Variants in GALNTL6 observed in about 807,000 individuals in gnomAD.
GALNTL6 encodes the protein polypeptide N-acetylgalactosaminyltransferase like 6.
GALNTL6 carries 46 observed loss-of-function variants against 73.7 expected under a neutral mutation model. The observed-to-expected ratio is 0.62, with a 90% CI of 0.49 to 0.80. The LOEUF is 0.80. GALNTL6 is among the 30% of genes least tolerant of loss of function. The probability of loss-of-function intolerance (pLI) is 0.00; values close to 1 mark genes in which losing one functional copy is unlikely to be tolerated. For synonymous variants in GALNTL6, 259 were observed against 263.7 expected (o/e 0.98, Z 0.17); for missense variants, 604 against 755.0 (o/e 0.80, Z 2.34).
intron 8 of GALNTL6, among the ~76,000 whole-genome samples, chr4:172,902,061 G>A (rs1746657011): frequency 6.6e-6 from 1 of 152,136 alleles, no homozygotes; most frequent in African/African-American, 2.4e-5. Context: ...AGCATCTAAT[G>A]TATGCCAGGC....
At chr4:172,012,545 T>A (rs946420094) in intron 2 of GALNTL6, among the ~76,000 whole-genome samples, 4 of 152,066 alleles carry the variant, frequency 2.6e-5, no homozygotes, top group African/African-American at 9.7e-5. Flanking sequence ...ACTCTCAATA[T>A]CATCAGTGAA....
At chr4:171,944,896 C>T (rs1161476749) in intron 2 of GALNTL6, among the ~76,000 whole-genome samples, 3 of 151,672 alleles carry the variant, frequency 2.0e-5, no homozygotes, top group Non-Finnish European at 4.4e-5. Context: ...CCTTAGCTAC[C>T]TATGCTTTTA....
chr4:172,771,619 T>C (rs1318630713), intron 5 of GALNTL6, among the ~76,000 whole-genome samples: 1 of 152,222 alleles, frequency 6.6e-6, no homozygotes, highest in Non-Finnish European at 1.5e-5. Flanking sequence ...CATCGTTTTC[T>C]CTGGGAAGTC....
chr4:171,941,077 T>C (rs1008450514), intron 2 of GALNTL6, among the ~76,000 whole-genome samples: 27 of 152,068 alleles, frequency 1.8e-4, no homozygotes, highest in Non-Finnish European at 3.4e-4. Flanking sequence ...TTAGAATCTA[T>C]ATTTACTTCA....
chr4:171,830,624 T>A (rs1734941722), intron 2 of GALNTL6, among the ~76,000 whole-genome samples: 1 of 152,144 alleles, frequency 6.6e-6, no homozygotes, highest in African/African-American at 2.4e-5. Flanking sequence ...CATTTGCATA[T>A]TTTTGTTCTG....
intron 5 of GALNTL6, among the ~76,000 whole-genome samples, chr4:172,426,482 C>G (rs929438122): frequency 2.0e-5 from 3 of 152,054 alleles, no homozygotes; most frequent in Non-Finnish European, 4.4e-5. Flanking sequence ...AATAGTATCC[C>G]CGGCACAAAA....
rs78731320 is a variant in GALNTL6, at chr4:172,473,109, C to T, written c.553+124420C>T. 2.6e-3 allele frequency among the ~76,000 whole-genome samples: 401 copies of T among 152,314 alleles called. 3 individuals carry two copies. Among genetic ancestry groups the T allele is most frequent in the African/African-American group, 8.7e-3 (363 of 41,560 alleles). On this transcript the variant is annotated intron_variant, in intron 5 of 12. Coordinates refer to ENST00000506823, the MANE Select transcript of GALNTL6 (RefSeq NM_001034845.3). ...ACTTGTCCTCAGCCTTTCCCCACTA[C>T]ACCTAACAACTTCTGCATCATTTGT...
At chr4:172,176,649 C>T in intron 2 of GALNTL6, among the ~76,000 whole-genome samples, 1 of 151,844 alleles carries the variant, frequency 6.6e-6, no homozygotes, top group Non-Finnish European at 1.5e-5. Context: ...ATTAGATGGG[C>T]ATGGTGGTGC....
At chr4:171,903,507 TC>T (rs1737172933) in intron 2 of GALNTL6, among the ~76,000 whole-genome samples, 1 of 151,622 alleles carries the variant, frequency 6.6e-6, no homozygotes, top group Non-Finnish European at 1.5e-5. Flanking sequence ...CCACGGAGTC[TC>T]GCTGATTGCT....
intron 5 of GALNTL6, among the ~76,000 whole-genome samples, chr4:172,597,165 T>C (rs894269804): frequency 2.0e-5 from 3 of 152,194 alleles, no homozygotes; most frequent in Non-Finnish European, 2.9e-5. Context: ...TTAGCATGCA[T>C]TCTTATGAGC....
intron 5 of GALNTL6, among the ~76,000 whole-genome samples, chr4:172,621,518 T>C (rs765955545): frequency 1.3e-5 from 2 of 152,218 alleles, no homozygotes; most frequent in East Asian, 1.9e-4. Context: ...CTTCCAATTT[T>C]TTGTCCTTTA....
chr4:171,925,980 A>T (rs1468076662), intron 2 of GALNTL6, among the ~76,000 whole-genome samples: 1 of 148,670 alleles, frequency 6.7e-6, no homozygotes, highest in Non-Finnish European at 1.5e-5. Context: ...AATTTTAATT[A>T]TGAGGCATCT....
chr4:171,912,888 T>G (rs1737515489), intron 2 of GALNTL6, among the ~76,000 whole-genome samples: 1 of 152,216 alleles, frequency 6.6e-6, no homozygotes, highest in Non-Finnish European at 1.5e-5. Flanking sequence ...TTTATTCTTT[T>G]TTTGTGATTG....
chr4:171,875,913 G>A (rs1736263731), intron 2 of GALNTL6, among the ~76,000 whole-genome samples: 1 of 151,698 alleles, frequency 6.6e-6, no homozygotes, highest in African/African-American at 2.4e-5. Context: ...TAAAAACCAT[G>A]TTGTATATTT....
intron 2 of GALNTL6, among the ~76,000 whole-genome samples, chr4:172,226,585 G>A (rs1736875067): frequency 2.2e-5 from 1 of 44,610 alleles, no homozygotes; most frequent in Non-Finnish European, 4.4e-5. Flanking sequence ...GTGTGTCTGT[G>A]TGTCTGTGTG....
intron 5 of GALNTL6, among the ~76,000 whole-genome samples, chr4:172,677,747 AC>A (rs1442699231): frequency 2.0e-5 from 3 of 151,556 alleles, no homozygotes; most frequent in Non-Finnish European, 4.4e-5. Context: ...GCAGAGTGAG[AC>A]CCCCATCTCT....
intron 2 of GALNTL6, among the ~76,000 whole-genome samples, chr4:172,034,334 G>C (rs1741862902): frequency 6.6e-6 from 1 of 151,308 alleles, no homozygotes; most frequent in Non-Finnish European, 1.5e-5. Context: ...AGGTCATAGG[G>C]GCAGGCAACC....
intron 5 of GALNTL6, among the ~76,000 whole-genome samples, chr4:172,642,739 A>G (rs1740049201): frequency 6.6e-6 from 1 of 151,982 alleles, no homozygotes; most frequent in African/African-American, 2.4e-5. Context: ...AATGACCTAT[A>G]TGTGAGGTAA....
At chr4:172,195,330 G>A (rs1325256048) in intron 2 of GALNTL6, among the ~76,000 whole-genome samples, 1 of 152,008 alleles carries the variant, frequency 6.6e-6, no homozygotes, top group African/African-American at 2.4e-5. Context: ...ACTCCCACAG[G>A]ATAATAGTGG....
Sources: allele counts gnomAD v4.1 joint callset (sites outside exome capture counted in the v4.1 genomes callset), GRCh38; gene constraint gnomAD v4.1.1; transcripts MANE v1.5; gene names NCBI Gene and HGNC (gene_info 2026-07-23, HGNC 2026-07-21).